The following CCDC148 variants were observed in gnomAD, a reference collection of about 807,000 sequenced individuals.
CCDC148 encodes the protein coiled-coil domain containing 148.
CCDC148 carries 89 observed loss-of-function variants against 85.7 expected under a neutral mutation model. That is an observed-to-expected ratio of 1.04 (90% CI 0.87 to 1.24). The LOEUF (loss-of-function observed/expected upper bound fraction) is 1.24. Among genes scored for constraint, CCDC148 ranks in the 50% most tolerant of loss-of-function variants. CCDC148 has a pLI of 0.00. For missense variants in CCDC148, 692 were observed against 671.7 expected, an observed-to-expected ratio of 1.03 and a Z score of -0.33; for synonymous variants, 230 against 213.9, an observed-to-expected ratio of 1.08 and a Z score of -0.66.
At chr2:158,219,254 T>C (rs1400630351) in intron 11 of CCDC148, among the ~76,000 whole-genome samples, 1 of 152,214 alleles carries the variant, frequency 6.6e-6, no homozygotes, top group African/African-American at 2.4e-5. Flanking sequence ...TACTATGATT[T>C]ATGTTATGAA....
chr2:158,199,502 C>A (rs748763966), intron 11 of CCDC148, among the ~76,000 whole-genome samples: 1 of 152,192 alleles, frequency 6.6e-6, no homozygotes, highest in South Asian at 2.1e-4. Flanking sequence ...ACCTTGGCCT[C>A]CCAAAGTGCT....
At chr2:158,365,148 A>C (rs1444911818) in intron 1 of CCDC148, among the ~76,000 whole-genome samples, 2 of 152,216 alleles carry the variant, frequency 1.3e-5, no homozygotes, top group Admixed American at 6.5e-5. Context: ...TTAAAAAGTC[A>C]GGAAACAACA....
intron 9 of CCDC148, among the ~76,000 whole-genome samples, chr2:158,269,252 A>T (rs1689598428): frequency 6.6e-6 from 1 of 152,072 alleles, no homozygotes; most frequent in Non-Finnish European, 1.5e-5. Flanking sequence ...TGGTCATGCC[A>T]TCCTTTCAGG....
chr2:158,426,083 C>G (rs1687064977), intron 1 of CCDC148, among the ~76,000 whole-genome samples: 1 of 138,360 alleles, frequency 7.2e-6, no homozygotes, highest in Non-Finnish European at 1.7e-5. Context: ...TAGTAAAAAT[C>G]CAAATAAATA....
At chr2:158,369,038 A>G (rs1385776211) in intron 1 of CCDC148, among the ~76,000 whole-genome samples, 1 of 152,148 alleles carries the variant, frequency 6.6e-6, no homozygotes, top group African/African-American at 2.4e-5. Flanking sequence ...GATTATAAAT[A>G]TGTAGACTAG....
intron 1 of CCDC148, among the ~76,000 whole-genome samples, chr2:158,431,830 T>G (rs1229732128): frequency 6.6e-6 from 1 of 152,018 alleles, no homozygotes; most frequent in Non-Finnish European, 1.5e-5. Context: ...CGCAGCTATT[T>G]GTGTGGCTGA....
intron 7 of CCDC148, among the ~76,000 whole-genome samples, chr2:158,319,025 C>T (rs1559067342): frequency 4.6e-5 from 7 of 152,148 alleles, no homozygotes; most frequent in Non-Finnish European, 1.5e-5. Flanking sequence ...CTCGGCCTCC[C>T]AAAGTGCTGG....
rs1691032968 is a variant in CCDC148 at position 158,293,995 on chromosome 2, TCC to T, written c.1110+15436_1110+15437del. 5.0e-5 allele frequency among the ~76,000 whole-genome samples: 2 copies of T among 40,082 alleles called. 1 individual carries two copies. Among genetic ancestry groups the T allele is most frequent in the African/African-American group, 2.0e-4 (2 of 10,220 alleles). The allele number at this position is 40,082 out of a possible 152,430, so 26.3% of individuals were successfully genotyped here. ...CTCCCCCCCCCCCTCCCTCCCTCCC[TCC>T]CTCCCTCCTTCCTTCCTTCCTTCCT... is the stretch of plus-strand genomic sequence containing the variant. On this transcript the variant is annotated intron_variant, in intron 9 of 13. Coordinates refer to ENST00000283233, the MANE Select transcript of CCDC148 (RefSeq NM_138803.4).
At chr2:158,410,635 AC>A (rs1254889011) in intron 1 of CCDC148, among the ~76,000 whole-genome samples, 1 of 151,908 alleles carries the variant, frequency 6.6e-6, no homozygotes, top group Non-Finnish European at 1.5e-5. Context: ...TACTTTTATC[AC>A]CCCTCACATA....
chr2:158,271,172 G>A (rs572161041), intron 9 of CCDC148, among the ~76,000 whole-genome samples: 1 of 152,020 alleles, frequency 6.6e-6, no homozygotes, highest in South Asian at 2.1e-4. Flanking sequence ...AAGATTTTGG[G>A]GGGGTTAATA....
intron 3 of CCDC148, among the ~76,000 whole-genome samples, chr2:158,340,924 A>C (rs1421221389): frequency 6.6e-6 from 1 of 152,116 alleles, no homozygotes; most frequent in Non-Finnish European, 1.5e-5. Flanking sequence ...TGTGGAGAGG[A>C]CCCAGAGCAT....
In CCDC148 at chr2:158,280,003, A is replaced by T. The variant is rs545287699; in HGVS notation, c.1111-29091T>A. On this transcript the variant is annotated intron_variant, in intron 9 of 13. Transcript: ENST00000283233. ...TCTTAAAGAAAAGAATTTTCAACCC[A>T]GAATTTCATATCCAGCCAAACTAAG... is the stretch of plus-strand genomic sequence containing the variant. 9.5e-3 allele frequency among the ~76,000 whole-genome samples: 1,442 copies of T among 151,858 alleles called. 25 individuals are homozygous for T. The highest frequency in any genetic ancestry group is 0.033 in the African/African-American group (1,374 of 41,398).
At chr2:158,175,033 C>T (rs1376693959) in intron 13 of CCDC148, among the ~76,000 whole-genome samples, 1 of 152,010 alleles carries the variant, frequency 6.6e-6, no homozygotes, top group Non-Finnish European at 1.5e-5. Flanking sequence ...TTTTCAGCGC[C>T]TGAACCTAAC....
intron 11 of CCDC148, among the ~76,000 whole-genome samples, chr2:158,181,023 C>T (rs1282566561): frequency 6.6e-6 from 1 of 152,138 alleles, no homozygotes; most frequent in Non-Finnish European, 1.5e-5. Flanking sequence ...TAAGGCATGA[C>T]ATGACACAAC....
chr2:158,172,338 A>G, intron 13 of CCDC148, 79 bp from the exon 14 acceptor site: 1 of 1,155,040 alleles, frequency 8.7e-7, no homozygotes, highest in Non-Finnish European at 1.2e-6. Flanking sequence ...ATGTTTTCCC[A>G]AACTAATTTG....
chr2:158,317,306 C>T (rs1270001975), intron 7 of CCDC148, among the ~76,000 whole-genome samples: 1 of 152,138 alleles, frequency 6.6e-6, no homozygotes, highest in Non-Finnish European at 1.5e-5. Flanking sequence ...GAATGTTCAT[C>T]TTTATCGTAG....
At chr2:158,432,319 A>C (rs1216788592) in intron 1 of CCDC148, among the ~76,000 whole-genome samples, 2 of 152,170 alleles carry the variant, frequency 1.3e-5, no homozygotes, top group African/African-American at 4.8e-5. Flanking sequence ...ACTATAATTA[A>C]AAGGCAGAGA....
intron 7 of CCDC148, among the ~76,000 whole-genome samples, chr2:158,334,797 G>C (rs1693334291): frequency 6.6e-6 from 1 of 151,674 alleles, no homozygotes; most frequent in Admixed American, 6.6e-5. Flanking sequence ...AATTTATTTT[G>C]ATTTTAAAAA....
intron 9 of CCDC148, among the ~76,000 whole-genome samples, chr2:158,263,364 G>T (rs1023260497): frequency 6.6e-6 from 1 of 151,852 alleles, no homozygotes; most frequent in Non-Finnish European, 1.5e-5. Context: ...CTTATTAAAG[G>T]TGTATTAAAT....
Sources: allele counts gnomAD v4.1 joint callset (sites outside exome capture counted in the v4.1 genomes callset), GRCh38; gene constraint gnomAD v4.1.1; transcripts MANE v1.5; gene names NCBI Gene and HGNC (gene_info 2026-07-23, HGNC 2026-07-21).